Variants in MYT1L observed in about 807,000 individuals in gnomAD.
MYT1L encodes myelin transcription factor 1 like.
Under a neutral mutation model 126.7 loss-of-function variants are expected in MYT1L, and 12 were observed. That is an observed-to-expected ratio of 0.09 (90% CI 0.06 to 0.15). The LOEUF (loss-of-function observed/expected upper bound fraction) is 0.15. Ranked by LOEUF, MYT1L falls within the 10% of genes least tolerant of loss-of-function variation. The pLI is 1.00. For missense variants in MYT1L, 979 were observed against 1,585.2 expected, an observed-to-expected ratio of 0.62 and a Z score of 6.49; for synonymous variants, 541 against 604.2, an observed-to-expected ratio of 0.90 and a Z score of 1.53.
chr2:2,236,321 A>G (rs117115557), intron 2 of MYT1L, among the ~76,000 whole-genome samples: 6 of 134,452 alleles, frequency 4.5e-5, no homozygotes, highest in East Asian at 3.1e-4. Flanking sequence ...TCCCAACCCA[A>G]CCCAGTACAT....
At chr2:2,309,619 AC>A (rs1203520523) in intron 1 of MYT1L, among the ~76,000 whole-genome samples, 2 of 151,526 alleles carry the variant, frequency 1.3e-5, no homozygotes, top group Non-Finnish European at 2.9e-5. Context: ...TCTACACTCC[AC>A]CTACACTTTG....
chr2:2,169,649 T>C (rs1456748661), intron 3 of MYT1L, among the ~76,000 whole-genome samples: 4 of 151,702 alleles, frequency 2.6e-5, no homozygotes, highest in Admixed American at 6.6e-5. Context: ...TAAATTCACA[T>C]GTTTACATTT....
At chr2:2,056,066 T>C (rs2069511254) in intron 3 of MYT1L, among the ~76,000 whole-genome samples, 1 of 152,196 alleles carries the variant, frequency 6.6e-6, no homozygotes, top group Non-Finnish European at 1.5e-5. Flanking sequence ...GTGATAAGTA[T>C]CTACAAAACA....
intron 2 of MYT1L, among the ~76,000 whole-genome samples, chr2:2,240,369 AAAAAG>A (rs1157361380): frequency 6.6e-6 from 1 of 152,144 alleles, no homozygotes; most frequent in Non-Finnish European, 1.5e-5. Context: ...CCTTTACTTT[AAAAAG>A]TATGGTAACA....
intron 2 of MYT1L, among the ~76,000 whole-genome samples, chr2:2,249,939 A>G (rs1353163226): frequency 6.6e-6 from 1 of 152,210 alleles, no homozygotes; most frequent in Non-Finnish European, 1.5e-5. Context: ...ATTACTGATT[A>G]TCAGAGAAAT....
intron 2 of MYT1L, among the ~76,000 whole-genome samples, chr2:2,195,301 C>A (rs374244660): frequency 6.6e-6 from 1 of 152,192 alleles, no homozygotes; most frequent in Non-Finnish European, 1.5e-5. Flanking sequence ...TTGGTAAACA[C>A]CATAGGCTTC....
intron 8 of MYT1L, among the ~76,000 whole-genome samples, chr2:1,956,392 TTCTATCTGTCTGTCTATCTATCTA>T (rs1293613446): frequency 2.5e-5 from 2 of 80,600 alleles, no homozygotes. Flanking sequence ...TTCCTATTCT[TTCTATCTGTCTGTCTATCTATCTA>T]TCTATCTATC....
chr2:2,230,398 A>G (rs191232845), intron 2 of MYT1L, among the ~76,000 whole-genome samples: 3 of 152,322 alleles, frequency 2.0e-5, no homozygotes, highest in African/African-American at 4.8e-5. Context: ...GATGTATGCT[A>G]AGTAATATGT....
At position 1,934,307 on chromosome 2, in the gene MYT1L, T is replaced by TATATACAC. The variant is rs71276816; in HGVS notation, c.505+8674_505+8675insGTGTATAT. The stretch of plus-strand genomic sequence containing the variant: ...TTTTTATAACATATATATATATATA[T>TATATACAC]ACAACCTCATATATGTAATTTATAG... On this transcript the variant is annotated intron_variant, in intron 9 of 24. Coordinates refer to ENST00000647738, the MANE Select transcript of MYT1L (RefSeq NM_001303052.2). Among the ~76,000 whole-genome samples, 61 of 132,188 alleles carry TATATACAC rather than the reference T, an allele frequency of 4.6e-4. 7 individuals are homozygous for TATATACAC. In the East Asian group the frequency reaches 8.4e-3, roughly 18 times the overall value. 86.7% of individuals were successfully genotyped at this position (132,188 alleles called of 152,430 possible).
At chr2:2,146,177 T>G (rs1382870454) in intron 3 of MYT1L, among the ~76,000 whole-genome samples, 1 of 152,246 alleles carries the variant, frequency 6.6e-6, no homozygotes, top group African/African-American at 2.4e-5. Context: ...CAAATAATGT[T>G]TACAAAATAT....
intron 9 of MYT1L, 97 bp downstream of exon 9, chr2:1,942,885 C>A: frequency 7.0e-7 from 1 of 1,434,260 alleles, no homozygotes; most frequent in Non-Finnish European, 9.2e-7. Context: ...AGAACAATTT[C>A]TTTATATGCC....
At chr2:2,091,950 G>C (rs140760241) in intron 3 of MYT1L, among the ~76,000 whole-genome samples, 158 of 152,342 alleles carry the variant, frequency 1.0e-3, no homozygotes, top group African/African-American at 3.5e-3. Context: ...AGCTTTGACT[G>C]AAGGGAATAT....
rs549703834 is a variant in MYT1L at position 2,119,808 on chromosome 2, T to C, written c.-304+53064A>G. On this transcript the variant is annotated intron_variant, in intron 3 of 24. Coordinates refer to ENST00000647738, the MANE Select transcript of MYT1L (RefSeq NM_001303052.2). ...TTCTAATTATAAATTATTTCAAATG[T>C]CCAAACTAACATACATTACCTTTTA... Among the ~76,000 whole-genome samples, 3 of 152,348 alleles carry C rather than the reference T, an allele frequency of 2.0e-5. No individual in the cohort carries two copies. The South Asian group carries it at 6.2e-4, about 32-fold the overall frequency.
intron 1 of MYT1L, among the ~76,000 whole-genome samples, chr2:2,303,242 C>T (rs1012173723): frequency 4.6e-5 from 7 of 152,162 alleles, no homozygotes; most frequent in South Asian, 2.1e-4. Flanking sequence ...AAAAGCGGAT[C>T]GCTCAACTTT....
At chr2:2,101,002 C>T (rs186102623) in intron 3 of MYT1L, among the ~76,000 whole-genome samples, 2 of 152,086 alleles carry the variant, frequency 1.3e-5, no homozygotes, top group African/African-American at 4.8e-5. Context: ...AGTTATCACT[C>T]CTCAAATAAG....
rs1455596299 is a variant in MYT1L at position 2,092,561 on chromosome 2, T to C, written c.-303-38438A>G. On this transcript the variant is annotated intron_variant, in intron 3 of 24. Coordinates refer to ENST00000647738, the MANE Select transcript of MYT1L (RefSeq NM_001303052.2). ...GAAAAAATGGCATCAATAGACTTGATTGACGCAGGGTTGTCACAAACCTGC... is the reference window on the plus strand; with the variant it reads ...GAAAAAATGGCATCAATAGACTTGACTGACGCAGGGTTGTCACAAACCTGC... Among the ~76,000 whole-genome samples, 7 of 152,178 alleles carry C rather than the reference T, an allele frequency of 4.6e-5. No homozygotes were observed. In the South Asian group the frequency reaches 6.2e-4, roughly 14 times the overall value.
chr2:2,226,002 C>T (rs978195614), intron 2 of MYT1L, among the ~76,000 whole-genome samples: 1 of 152,126 alleles, frequency 6.6e-6, no homozygotes, highest in Admixed American at 6.5e-5. Flanking sequence ...CAGACGCTAA[C>T]TCCTAAGCAC....
rs370576691 is a variant in MYT1L at position 2,192,609 on chromosome 2, T to C, written c.-420-19621A>G. Among the ~76,000 whole-genome samples, 10 of 152,314 alleles carry C rather than the reference T, an allele frequency of 6.6e-5. No homozygotes were observed. In the East Asian group the frequency reaches 9.7e-4, roughly 15 times the overall value. ...CATTCAGTGGCTGGCTCTGTTTTCT[T>C]TCTTCTCAAATGTCTGGCTGTTCAT... On this transcript the variant is annotated intron_variant, in intron 2 of 24. Coordinates refer to ENST00000647738, the MANE Select transcript of MYT1L (RefSeq NM_001303052.2).
In MYT1L at chr2:1,889,417, G is replaced by C; in HGVS notation, c.2344C>G (p.Pro782Ala). Residue 782 changes from proline to alanine, a missense_variant, in exon 16 of 25, where the codon CCG becomes GCG. This residue lies in a region of MYT1L where 141 missense variants were observed against 170.6 expected (regional missense o/e 0.83). Coordinates refer to ENST00000647738, the MANE Select transcript of MYT1L (RefSeq NM_001303052.2). The surrounding 1 kb of genome is among the most constrained non-coding windows in gnomAD (Gnocchi z 4.1). ...TLDLSMNKQR[P>A]RDSCCPILTP... is the part of the protein sequence containing the mutation. ...AGGATGGGGCAGCAGCTGTCCCGCG[G>C]CCTCTGCTTGTTCATGCTGAGGTCC... 1 of 1,613,692 alleles carries C rather than the reference G, an allele frequency of 6.2e-7. No individual in the cohort carries two copies. The highest frequency in any genetic ancestry group is 8.5e-7 in the Non-Finnish European group (1 of 1,179,740).
Sources: gnomAD v4.1 joint callset for allele counts (sites outside exome capture counted in the v4.1 genomes callset) on GRCh38, gnomAD v4.1.1 for gene constraint, gnomAD v4.1.1 regional missense constraint, Gnocchi (gnomAD v3.1) non-coding constraint, MANE v1.5 for transcripts, NCBI Gene and HGNC (gene_info 2026-07-23, HGNC 2026-07-21) for gene names.